Variants in EGFR observed in about 807,000 individuals in gnomAD.
The protein encoded by EGFR is avian erythroblastic leukemia viral (v-erb-b) oncogene homolog.
A neutral mutation model predicts 143.0 loss-of-function variants in EGFR; 58 were observed. That is an observed-to-expected ratio of 0.41 (90% CI 0.33 to 0.50). The LOEUF is 0.50. Among genes scored for constraint, EGFR ranks in the 20% least tolerant of loss-of-function variants. EGFR has a pLI of 0.39. For synonymous variants in EGFR, 613 were observed against 594.4 expected (o/e 1.03, Z -0.45); for missense variants, 1,307 against 1,579.0 (o/e 0.83, Z 2.92).
Position 55,019,162 on chromosome 7 carries a change from G to A in EGFR, c.-116G>A. On this transcript the variant is annotated 5_prime_UTR_variant, in exon 1 of 28. Coordinates refer to ENST00000275493, the MANE Select transcript of EGFR (RefSeq NM_005228.5). ...CCCAGACCGGACGACAGGCCACCTC[G>A]TCGGCGTCCGCCCGAGTCCCCGCCT... 3 of 837,218 alleles carry A rather than the reference G, an allele frequency of 3.6e-6. No homozygotes were observed. Among genetic ancestry groups the A allele is most frequent in the Non-Finnish European group, 3.5e-6 (2 of 571,758 alleles). The allele number at this position is 837,218 out of a possible 1,614,324, so 51.9% of individuals were successfully genotyped here. A position where few individuals can be genotyped will look rare whatever the true frequency, so the allele number is the denominator to read the frequency against.
chr7:55,087,098 T>C (rs970830440), intron 1 of EGFR, among the ~76,000 whole-genome samples: 2 of 151,872 alleles, frequency 1.3e-5, no homozygotes, highest in Admixed American at 6.6e-5. Context: ...GAAAAATATT[T>C]TCCCCCCGCG....
At chr7:55,058,014 T>C (rs1788930252) in intron 1 of EGFR, among the ~76,000 whole-genome samples, 1 of 152,252 alleles carries the variant, frequency 6.6e-6, no homozygotes, top group Admixed American at 6.5e-5. Context: ...TTTAAAATCA[T>C]ATCTCAATTA....
intron 1 of EGFR, among the ~76,000 whole-genome samples, chr7:55,136,489 C>T (rs1794150602): frequency 6.6e-6 from 1 of 152,148 alleles, no homozygotes; most frequent in African/African-American, 2.4e-5. Flanking sequence ...ATTGCTTTCA[C>T]AACAAAAATA....
intron 5 of EGFR, among the ~76,000 whole-genome samples, chr7:55,151,840 T>C (rs17289795): frequency 0.014 from 2,095 of 152,086 alleles, 41 homozygotes; most frequent in African/African-American, 0.045. Flanking sequence ...TGCCACTGCA[T>C]TCCAGCCTGG....
Position 55,157,681 on chromosome 7 carries a change from C to A in EGFR, c.1226C>A (p.Ala409Asp), listed in dbSNP as rs2128939623. The A allele has an allele frequency of 6.2e-7, 1 of 1,614,238 alleles. No homozygotes were observed. Among genetic ancestry groups the A allele is most frequent in the South Asian group, 1.1e-5 (1 of 91,090 alleles). Residue 409 changes from alanine to aspartate, a missense_variant, in exon 11 of 28, where the codon GCT (alanine) becomes GAT (aspartate). Coordinates refer to ENST00000275493, the MANE Select transcript of EGFR (RefSeq NM_005228.5). ...KEITGFLLIQ[A>D]WPENRTDLHA... ...CTTACAGGGTTTTTGCTGATTCAGG[C>A]TTGGCCTGAAAACAGGACGGACCTC...
intron 5 of EGFR, among the ~76,000 whole-genome samples, chr7:55,151,723 A>T (rs1785164707): frequency 6.6e-6 from 1 of 152,134 alleles, no homozygotes; most frequent in East Asian, 1.9e-4. Flanking sequence ...AAATACAAAA[A>T]ATTAGCCGGG....
chr7:55,150,774 C>A (rs1431760273), intron 4 of EGFR, among the ~76,000 whole-genome samples: 1 of 152,242 alleles, frequency 6.6e-6, no homozygotes, highest in Non-Finnish European at 1.5e-5. Flanking sequence ...GTGATCTGCA[C>A]TGTTAACATT....
chr7:55,166,224 T>A, intron 15 of EGFR: 1 of 539,450 alleles, frequency 1.9e-6, no homozygotes, highest in South Asian at 1.5e-5. Context: ...TGTATCTTAT[T>A]TACTGGAATA....
chr7:55,182,473 G>T (rs1456920783), intron 20 of EGFR: 1 of 152,206 alleles, frequency 6.6e-6, no homozygotes, highest in African/African-American at 2.4e-5. Flanking sequence ...GATGTAAAAG[G>T]TGACCTACAA....
At position 55,174,729 on chromosome 7, in the gene EGFR, G is replaced by T. The variant is rs397517089; in HGVS notation, c.2192G>T (p.Trp731Leu). Residue 731 changes from tryptophan to leucine, a missense_variant, in exon 19 of 28, where the codon TGG (tryptophan) becomes TTG (leucine). Trp to Leu is a moderately conservative substitution (Grantham distance 61). Coordinates refer to ENST00000275493, the MANE Select transcript of EGFR (RefSeq NM_005228.5). ...CTTCTCTCTCTGTCATAGGGACTCT[G>T]GATCCCAGAAGGTGAGAAAGTTAAA... ...GAFGTVYKGL[W>L]IPEGEKVKIP... 1.2e-5 allele frequency: 20 copies of T among 1,613,534 alleles called. No homozygotes were observed. Among genetic ancestry groups the T allele is most frequent in the Non-Finnish European group, 1.7e-5 (20 of 1,179,518 alleles).
At position 55,191,887 on chromosome 7, in the gene EGFR, C is replaced by T. The variant is rs771938970; in HGVS notation, c.2625+13C>T. 2.6e-5 allele frequency: 42 copies of T among 1,612,882 alleles called. 1 individual carries two copies. Among genetic ancestry groups the T allele is most frequent in the Non-Finnish European group, 3.5e-5 (41 of 1,179,952 alleles). On this transcript the variant is annotated intron_variant, in intron 21 of 27. Transcript: ENST00000275493. ...AGAAGGAGGCAAAGTAAGGAGGTGG[C>T]TTTAGGTCAGCCAGCATTTTCCTGA... is the stretch of plus-strand genomic sequence containing the variant.
intron 1 of EGFR, among the ~76,000 whole-genome samples, chr7:55,078,194 G>A: frequency 6.6e-6 from 1 of 152,068 alleles, no homozygotes; most frequent in Non-Finnish European, 1.5e-5. Context: ...AAGGAGCAAG[G>A]CGGCAGGGAG....
intron 1 of EGFR, among the ~76,000 whole-genome samples, chr7:55,047,541 A>G (rs1788248139): frequency 6.6e-6 from 1 of 152,174 alleles, no homozygotes; most frequent in Non-Finnish European, 1.5e-5. Context: ...CCTGAGGTCA[A>G]GAGTTGGAGA....
At chr7:55,051,963 A>C (rs1788516169) in intron 1 of EGFR, among the ~76,000 whole-genome samples, 1 of 152,228 alleles carries the variant, frequency 6.6e-6, no homozygotes, top group Non-Finnish European at 1.5e-5. Context: ...CTCCAGCTAG[A>C]CTATCAACTC....
intron 1 of EGFR, among the ~76,000 whole-genome samples, chr7:55,081,182 G>C (rs902631078): frequency 1.3e-5 from 2 of 152,124 alleles, no homozygotes; most frequent in Non-Finnish European, 2.9e-5. Flanking sequence ...CATACTTTTG[G>C]CAGGGTTCCT....
intron 18 of EGFR, among the ~76,000 whole-genome samples, chr7:55,174,372 C>T (rs2128954200): frequency 6.6e-6 from 1 of 152,360 alleles, no homozygotes; most frequent in South Asian, 2.1e-4. Context: ...GAAATGGGCT[C>T]ATCTTCGTTT....
chr7:55,190,478 T>C (rs1230871524), intron 20 of EGFR, among the ~76,000 whole-genome samples: 1 of 152,042 alleles, frequency 6.6e-6, no homozygotes. Flanking sequence ...TGCTCTGACA[T>C]GCCAATTCAA....
chr7:55,024,616 C>T (rs991699790), intron 1 of EGFR, among the ~76,000 whole-genome samples: 5 of 152,182 alleles, frequency 3.3e-5, no homozygotes, highest in Non-Finnish European at 7.3e-5. Flanking sequence ...TAAATAATTA[C>T]GTAAGTCAAC....
rs565130406 is a variant in EGFR, at chr7:55,122,933, T to C, written c.89-19353T>C. On this transcript the variant is annotated intron_variant, in intron 1 of 27. Coordinates refer to ENST00000275493, the MANE Select transcript of EGFR (RefSeq NM_005228.5). ...AGCGTGCAGTGTCTTGTATTCAGTA[T>C]ATAGCTGATTAATTGATGAATTGAT... Among the ~76,000 whole-genome samples, 7 of 152,384 alleles carry C rather than the reference T, an allele frequency of 4.6e-5. No homozygotes were observed. In the East Asian group the frequency reaches 1.3e-3, roughly 29 times the overall value.
Sources: gnomAD v4.1 joint callset for allele counts (sites outside exome capture counted in the v4.1 genomes callset) on GRCh38, gnomAD v4.1.1 for gene constraint, MANE v1.5 for transcripts, NCBI Gene and HGNC (gene_info 2026-07-23, HGNC 2026-07-21) for gene names.